Variants in FOXO1 observed in about 807,000 individuals in gnomAD.
FOXO1 encodes forkhead box protein O1.
In FOXO1, 6 loss-of-function variants were observed where a neutral mutation model predicts 44.1. That is an observed-to-expected ratio of 0.14 (90% CI 0.07 to 0.27). FOXO1 has a LOEUF of 0.27. FOXO1 is among the 10% of genes least tolerant of loss of function. FOXO1 has a pLI of 1.00. For missense variants in FOXO1, 737 were observed against 888.8 expected, an observed-to-expected ratio of 0.83 and a Z score of 2.17; for synonymous variants, 380 against 362.7, an observed-to-expected ratio of 1.05 and a Z score of -0.54.
At position 40,558,532 on chromosome 13, in the gene FOXO1, G is replaced by A. The variant is rs993635184; in HGVS notation, c.*517C>T. ...AGGCTGTTCAATGGAGATGCAGAAT[G>A]GAGATTCAGTTCTTTGTGATCCGTC... On this transcript the variant is annotated 3_prime_UTR_variant, in exon 3 of 3. Coordinates refer to ENST00000379561, the MANE Select transcript of FOXO1 (RefSeq NM_002015.4). 4.1e-6 allele frequency: 1 copy of A among 240,998 alleles called. No homozygotes were observed. The highest frequency in any genetic ancestry group is 2.2e-5 in the African/African-American group (1 of 44,934). 14.9% of individuals were successfully genotyped at this position (240,998 alleles called of 1,614,324 possible).
Position 40,556,176 on chromosome 13 carries a change from T to C in FOXO1, c.*2873A>G, listed in dbSNP as rs1489500681. ...TGGGGCTGGGGTTATTGGTAGCATA[T>C]ATCCAGCAGTTGAACAAGTCCAATT... is the stretch of plus-strand genomic sequence containing the variant. On this transcript the variant is annotated 3_prime_UTR_variant, in exon 3 of 3. Coordinates refer to ENST00000379561, the MANE Select transcript of FOXO1 (RefSeq NM_002015.4). 6.6e-6 allele frequency: 1 copy of C among 152,282 alleles called. No individual in the cohort carries two copies. The highest frequency in any genetic ancestry group is 1.5e-5 in the Non-Finnish European group (1 of 68,044). 9.4% of individuals were successfully genotyped at this position (152,282 alleles called of 1,614,324 possible). A position where few individuals can be genotyped will look rare whatever the true frequency, so the allele number is the denominator to read the frequency against.
chr13:40,659,942 T>G (rs550528871), intron 1 of FOXO1, among the ~76,000 whole-genome samples: 2 of 152,312 alleles, frequency 1.3e-5, no homozygotes, highest in South Asian at 4.1e-4. Context: ...ACAAAAGAAT[T>G]TCTGTGCCAC....
intron 1 of FOXO1, among the ~76,000 whole-genome samples, chr13:40,656,315 A>G (rs1455305450): frequency 6.6e-6 from 1 of 152,252 alleles, no homozygotes; most frequent in East Asian, 1.9e-4. Context: ...TTTCAAGCCA[A>G]TATAACCTTC....
In FOXO1 at chr13:40,612,006, G is replaced by A. The variant is rs569975954; in HGVS notation, c.631-51146C>T. Among the ~76,000 whole-genome samples, 7 of 152,094 alleles carry A rather than the reference G, an allele frequency of 4.6e-5. No homozygotes were observed. In the South Asian group the frequency reaches 6.2e-4, roughly 14 times the overall value. ...GGAGGTTTGTTTGAGCCCAGGAGGC[G>A]GGGGTTGAGCCAAGATCACGCCACT... is the stretch of plus-strand genomic sequence containing the variant. On this transcript the variant is annotated intron_variant, in intron 1 of 2. Coordinates refer to ENST00000379561, the MANE Select transcript of FOXO1 (RefSeq NM_002015.4).
At chr13:40,562,109 C>G in intron 1 of FOXO1, among the ~76,000 whole-genome samples, 1 of 152,000 alleles carries the variant, frequency 6.6e-6, no homozygotes, top group Non-Finnish European at 1.5e-5. Flanking sequence ...GAAAGCTGAC[C>G]TGCCAAAAGA....
At chr13:40,605,306 T>C (rs1002563328) in intron 1 of FOXO1, among the ~76,000 whole-genome samples, 2 of 152,092 alleles carry the variant, frequency 1.3e-5, no homozygotes, top group Non-Finnish European at 2.9e-5. Context: ...TCAAGGAAAA[T>C]TCCAGGATAT....
chr13:40,619,761 T>C, intron 1 of FOXO1: 2 of 842,754 alleles, frequency 2.4e-6, no homozygotes, highest in Non-Finnish European at 4.2e-6. Context: ...AAAATGGAAC[T>C]GGGGGATCAG....
intron 1 of FOXO1, among the ~76,000 whole-genome samples, chr13:40,564,855 AC>A (rs1241999689): frequency 6.7e-6 from 1 of 149,232 alleles, no homozygotes; most frequent in Non-Finnish European, 1.5e-5. Flanking sequence ...CTCTGCACAC[AC>A]CCCATCTGCC....
chr13:40,568,093 G>A (rs1319793743), intron 1 of FOXO1, among the ~76,000 whole-genome samples: 1 of 152,102 alleles, frequency 6.6e-6, no homozygotes, highest in Non-Finnish European at 1.5e-5. Flanking sequence ...AACCTGTGGG[G>A]ACTCACAGGG....
chr13:40,559,294 G>T (rs1055405303), intron 2 of FOXO1, among the ~76,000 whole-genome samples: 7 of 152,108 alleles, frequency 4.6e-5, no homozygotes, highest in African/African-American at 1.7e-4. Context: ...CTGTCAAAAA[G>T]AAATCTTTAA....
chr13:40,655,892 C>T (rs964107354), intron 1 of FOXO1, among the ~76,000 whole-genome samples: 2 of 152,170 alleles, frequency 1.3e-5, no homozygotes, highest in African/African-American at 2.4e-5. Flanking sequence ...CCACCTCAAC[C>T]TCCCAAAGTG....
At position 40,653,784 on chromosome 13, in the gene FOXO1, T is replaced by C. The variant is rs191461977; in HGVS notation, c.630+11799A>G. ...CCCAGCCCCTCACCAGTAAGTACTT[T>C]GTAAGTACTCACCAGTACTTACAAA... is the stretch of plus-strand genomic sequence containing the variant. On this transcript the variant is annotated intron_variant, in intron 1 of 2. Transcript: ENST00000379561. Among the ~76,000 whole-genome samples the C allele has an allele frequency of 1.9e-3, 290 of 152,278 alleles. 1 individual carries two copies. The highest frequency in any genetic ancestry group is 6.8e-3 in the African/African-American group (281 of 41,576).
intron 1 of FOXO1, among the ~76,000 whole-genome samples, chr13:40,652,194 G>A (rs1008628183): frequency 2.6e-5 from 4 of 151,972 alleles, no homozygotes; most frequent in Admixed American, 6.6e-5. Flanking sequence ...TGAGGTAACT[G>A]TAATTCAAGA....
intron 1 of FOXO1, among the ~76,000 whole-genome samples, chr13:40,657,319 CTTTTTT>C (rs369503666): frequency 1.2e-4 from 15 of 127,802 alleles, no homozygotes; most frequent in African/African-American, 4.5e-4. Flanking sequence ...CCTTTTTTTT[CTTTTTT>C]TTTTTTTTTT....
At chr13:40,580,939 G>A (rs897851059) in intron 1 of FOXO1, among the ~76,000 whole-genome samples, 6 of 152,140 alleles carry the variant, frequency 3.9e-5, no homozygotes, top group African/African-American at 7.2e-5. Flanking sequence ...CTTAGCCTTC[G>A]CCTACACACT....
chr13:40,606,556 G>A (rs185819760), intron 1 of FOXO1, among the ~76,000 whole-genome samples: 15 of 152,132 alleles, frequency 9.9e-5, no homozygotes, highest in Non-Finnish European at 1.3e-4. Flanking sequence ...CAAGTGATCC[G>A]CCCGCCTCGG....
chr13:40,652,995 A>G (rs1877733951), intron 1 of FOXO1, among the ~76,000 whole-genome samples: 1 of 151,634 alleles, frequency 6.6e-6, no homozygotes, highest in East Asian at 1.9e-4. Flanking sequence ...TCAAGACAAG[A>G]GTATTGCTCT....
chr13:40,615,741 C>G (rs143204786), intron 1 of FOXO1, among the ~76,000 whole-genome samples: 1 of 151,926 alleles, frequency 6.6e-6, no homozygotes, highest in African/African-American at 2.4e-5. Flanking sequence ...CAAAGAGAGG[C>G]AAGGGATGGT....
intron 1 of FOXO1, among the ~76,000 whole-genome samples, chr13:40,609,708 TG>T (rs1163608865): frequency 6.6e-6 from 1 of 151,822 alleles, no homozygotes; most frequent in African/African-American, 2.4e-5. Context: ...TTCTTCAGGG[TG>T]GGGGGGAAAA....
Sources: gnomAD v4.1 joint callset for allele counts (sites outside exome capture counted in the v4.1 genomes callset) on GRCh38, gnomAD v4.1.1 for gene constraint, MANE v1.5 for transcripts, NCBI Gene and HGNC (gene_info 2026-07-23, HGNC 2026-07-21) for gene names.